Variants in EYA1 observed in about 807,000 individuals in gnomAD.
EYA1 encodes protein phosphatase EYA1.
A neutral mutation model predicts 82.0 loss-of-function variants in EYA1; 16 were observed. That is an observed-to-expected ratio of 0.20 (90% CI 0.13 to 0.30). The LOEUF is 0.30. Among genes scored for constraint, EYA1 ranks in the 10% least tolerant of loss-of-function variants. The probability of loss-of-function intolerance (pLI) is 1.00; values close to 1 mark genes in which losing one functional copy is unlikely to be tolerated. For missense variants in EYA1, 633 were observed against 730.7 expected, an observed-to-expected ratio of 0.87 and a Z score of 1.54; for synonymous variants, 261 against 264.4, an observed-to-expected ratio of 0.99 and a Z score of 0.12.
At chr8:71,340,731 C>CTTCA (rs1825029100) in intron 3 of EYA1, among the ~76,000 whole-genome samples, 1 of 152,112 alleles carries the variant, frequency 6.6e-6, no homozygotes, top group Admixed American at 6.6e-5. Flanking sequence ...ATATAATAAA[C>CTTCA]TGCTTCATGA....
At chr8:71,315,216 A>G (rs936857165) in intron 7 of EYA1, among the ~76,000 whole-genome samples, 1 of 152,260 alleles carries the variant, frequency 6.6e-6, no homozygotes, top group Non-Finnish European at 1.5e-5. Context: ...TTCTAAAAAA[A>G]GAGACAGTAT....
chr8:71,240,451 G>A (rs962512047), intron 12 of EYA1, among the ~76,000 whole-genome samples: 6 of 152,066 alleles, frequency 3.9e-5, no homozygotes, highest in Non-Finnish European at 2.9e-5. Context: ...AGTGGAGAGG[G>A]GAGTTTAGAA....
At chr8:71,330,617 C>T (rs185061970) in intron 4 of EYA1, among the ~76,000 whole-genome samples, 24 of 152,310 alleles carry the variant, frequency 1.6e-4, no homozygotes, top group Middle Eastern at 3.4e-3. Context: ...ATACTATCTG[C>T]TAAGAGCTAT....
At chr8:71,308,374 C>A (rs576965070) in intron 7 of EYA1, among the ~76,000 whole-genome samples, 273 of 152,230 alleles carry the variant, frequency 1.8e-3, no homozygotes, top group Non-Finnish European at 2.8e-3. Context: ...TAAAGTGTCC[C>A]AGGGACAGTG....
intron 2 of EYA1, among the ~76,000 whole-genome samples, chr8:71,393,851 T>A (rs1041572117): frequency 1.1e-4 from 17 of 152,218 alleles, no homozygotes; most frequent in Admixed American, 2.6e-4. Flanking sequence ...TAGTTCTAGA[T>A]CCTTGAGGAA....
intron 2 of EYA1, 63 bp from the exon 3 acceptor site, chr8:71,354,972 G>T (rs1045690988): frequency 2.0e-6 from 3 of 1,527,702 alleles, no homozygotes; most frequent in African/African-American, 1.4e-5. Context: ...CATTTAATGC[G>T]CTAATGACTT....
chr8:71,453,397 T>G (rs1320315115), intron 2 of EYA1, among the ~76,000 whole-genome samples: 1 of 152,072 alleles, frequency 6.6e-6, no homozygotes, highest in Admixed American at 6.5e-5. Context: ...AGGCCAACAT[T>G]CAAATTCAGG....
chr8:71,217,157 G>A (rs1809319328), intron 12 of EYA1, 134 bp from the exon 13 acceptor site: 2 of 688,576 alleles, frequency 2.9e-6, no homozygotes, highest in Non-Finnish European at 5.1e-6. Flanking sequence ...ATCAGTAGGT[G>A]GCAGTCTTGT....
chr8:71,206,866 C>CGACTT (rs1807844466), intron 17 of EYA1, among the ~76,000 whole-genome samples: 2 of 152,122 alleles, frequency 1.3e-5, no homozygotes, highest in Admixed American at 1.3e-4. Context: ...AGTGATCCTC[C>CGACTT]GACTTCAGCC....
At chr8:71,199,460 C>G in intron 17 of EYA1, 40 bp from the exon 18 acceptor site, 1 of 1,483,520 alleles carries the variant, frequency 6.7e-7, no homozygotes, top group Non-Finnish European at 9.3e-7. Context: ...ACAGAGCACC[C>G]AGCGCCAGCC....
At chr8:71,248,031 C>A (rs144034535) in intron 11 of EYA1, among the ~76,000 whole-genome samples, 1 of 152,044 alleles carries the variant, frequency 6.6e-6, no homozygotes, top group Non-Finnish European at 1.5e-5. Context: ...CTCTATTGTT[C>A]GTTAATATAT....
rs201950125 is a variant in EYA1, at chr8:71,523,173, C to CTTTTTTTTTTTTTTTTTT, written c.33+12570_33+12571insAAAAAAAAAAAAAAAAAA. On this transcript the variant is annotated intron_variant, in intron 2 of 18. Transcript: ENST00000643681. ...TTCAGCTCTTTTTCTTTTCTTTTTT[C>CTTTTTTTTTTTTTTTTTT]TTTTTCTTTTTTTTTTTTTTTTTGA... Among the ~76,000 whole-genome samples the CTTTTTTTTTTTTTTTTTT allele has an allele frequency of 1.7e-3, 188 of 110,808 alleles. 8 individuals are homozygous for CTTTTTTTTTTTTTTTTTT. The highest frequency in any genetic ancestry group is 4.8e-3 in the East Asian group (14 of 2,894). The allele number at this position is 110,808 out of a possible 152,430, so 72.7% of individuals were successfully genotyped here.
chr8:71,544,490 G>A (rs536698122), intron 1 of EYA1, among the ~76,000 whole-genome samples: 5 of 152,278 alleles, frequency 3.3e-5, no homozygotes, highest in African/African-American at 1.2e-4. Context: ...GTCTTTAGGA[G>A]GCTTTTCCTT....
At chr8:71,271,976 G>A in intron 9 of EYA1, 79 bp from the exon 10 acceptor site, 1 of 1,500,900 alleles carries the variant, frequency 6.7e-7, no homozygotes. Flanking sequence ...TAATTCACAA[G>A]GGGAGTTTCA....
chr8:71,321,831 A>G lies in EYA1; in HGVS notation c.321T>C (p.Ala107=), dbSNP rs112282055. 2.9e-4 allele frequency: 475 copies of G among 1,614,262 alleles called. No homozygotes were observed. In the African/African-American group the frequency reaches 5.2e-3, roughly 18 times the overall value. Residue 107 remains alanine, a synonymous_variant, in exon 6 of 18, where the codon GCT becomes GCC. Coordinates refer to ENST00000340726, the MANE Select transcript of EYA1 (RefSeq NM_000503.6). ...ILPTPSSQTM[A]AYGQTQFTTG... is the part of the protein sequence containing the mutation. ...TGGTAAACTGTGTTTGCCCATATGC[A>G]GCCATAGTTTGTGAGGAAGGGGTAG... is the stretch of plus-strand genomic sequence containing the variant.
intron 2 of EYA1, among the ~76,000 whole-genome samples, chr8:71,525,996 G>A (rs1295634355): frequency 3.3e-5 from 5 of 152,142 alleles, no homozygotes; most frequent in African/African-American, 1.2e-4. Context: ...AACAGCTCAT[G>A]GCCTAGAAGG....
intron 2 of EYA1, among the ~76,000 whole-genome samples, chr8:71,528,367 A>T (rs1813979447): frequency 6.6e-6 from 1 of 152,162 alleles, no homozygotes; most frequent in South Asian, 2.1e-4. Context: ...AAATATAAAC[A>T]TGTCACTGTC....
At chr8:71,425,693 T>A (rs186812219) in intron 2 of EYA1, among the ~76,000 whole-genome samples, 479 of 147,758 alleles carry the variant, frequency 3.2e-3, no homozygotes, top group Non-Finnish European at 5.2e-3. Context: ...GAATCCTTAG[T>A]GTGTGTGTGT....
intron 2 of EYA1, among the ~76,000 whole-genome samples, chr8:71,511,065 A>G (rs971528098): frequency 6.6e-6 from 1 of 152,050 alleles, no homozygotes; most frequent in Non-Finnish European, 1.5e-5. Flanking sequence ...TATCACACCT[A>G]TTACTGTAAG....
Sources: gnomAD v4.1 joint callset for allele counts (sites outside exome capture counted in the v4.1 genomes callset) on GRCh38, gnomAD v4.1.1 for gene constraint, MANE v1.5 for transcripts, NCBI Gene and HGNC (gene_info 2026-07-23, HGNC 2026-07-21) for gene names.